The following RIOX2 variants were observed in gnomAD, a reference collection of about 807,000 sequenced individuals.
The protein encoded by RIOX2 is 60S ribosomal protein L27a histidine hydroxylase.
A neutral mutation model predicts 51.2 loss-of-function variants in RIOX2; 43 were observed. That is an observed-to-expected ratio of 0.84 (90% CI 0.66 to 1.08). RIOX2 has a LOEUF of 1.08. Among genes scored for constraint, RIOX2 ranks in the 50% least tolerant of loss-of-function variants. RIOX2 has a pLI of 0.00. For synonymous variants in RIOX2, 226 were observed against 218.5 expected (o/e 1.03, Z -0.30); for missense variants, 566 against 561.7 (o/e 1.01, Z -0.08).
rs1389251201 is a variant in RIOX2 at position 97,942,396 on chromosome 3, G to A, written c.*2788C>T. ...CAGAAGTGGAGACTGAATAAAAATG[G>A]AACTATCAGCTCTTATCTCAGTGAT... On this transcript the variant is annotated 3_prime_UTR_variant, in exon 10 of 10. Coordinates refer to ENST00000394198, the MANE Select transcript of RIOX2 (RefSeq NM_153182.4). 2 of 1,611,726 alleles carry A rather than the reference G, an allele frequency of 1.2e-6. No homozygotes were observed. The highest frequency in any genetic ancestry group is 1.1e-5 in the South Asian group (1 of 90,902).
intron 6 of RIOX2, 61 bp from the exon 7 acceptor site, chr3:97,950,076 C>A: frequency 6.3e-7 from 1 of 1,582,582 alleles, no homozygotes; most frequent in Non-Finnish European, 8.7e-7. Context: ...CCAGCTCAGT[C>A]TCCACAGTAG....
At chr3:97,963,857 C>A (rs553409117) in intron 2 of RIOX2, among the ~76,000 whole-genome samples, 22 of 152,296 alleles carry the variant, frequency 1.4e-4, no homozygotes, top group African/African-American at 5.1e-4. Context: ...TGGAGTCAAA[C>A]CACCTCGGTT....
chr3:97,961,206 A>C (rs553188209), intron 3 of RIOX2, among the ~76,000 whole-genome samples: 4 of 152,342 alleles, frequency 2.6e-5, no homozygotes, highest in Admixed American at 2.6e-4. Context: ...CAGCTACTGA[A>C]AAAGAACAAA....
rs2040342655 is a variant in RIOX2 at position 97,945,819 on chromosome 3, C to T, written c.1218G>A (p.Met406Ile). 6.2e-7 allele frequency: 1 copy of T among 1,610,576 alleles called. No homozygotes were observed. Among genetic ancestry groups the T allele is most frequent in the Non-Finnish European group, 8.5e-7 (1 of 1,177,346 alleles). ...SLKNSRETHM[M>I]GNEEETEFHG... ...AAACCTCTGTTTCCTCCTCATTTCCCATCATGTGTGTCTCTCTACTATTCT... is the reference window on the plus strand; with the variant it reads ...AAACCTCTGTTTCCTCCTCATTTCCTATCATGTGTGTCTCTCTACTATTCT... Residue 406 changes from methionine (M) to isoleucine (I), a missense_variant, in exon 9 of 10, where the codon ATG becomes ATA. Physicochemically the swap from Met to Ile is conservative, Grantham distance 10. Coordinates refer to ENST00000394198, the MANE Select transcript of RIOX2 (RefSeq NM_153182.4).
chr3:97,971,243 G>A (rs1706119220), intron 1 of RIOX2, among the ~76,000 whole-genome samples: 1 of 152,186 alleles, frequency 6.6e-6, no homozygotes, highest in South Asian at 2.1e-4. Context: ...GTAGTTCAGA[G>A]TTACCAGCAA....
rs1195772441 is a variant in RIOX2 at position 97,942,137 on chromosome 3, A to G, written c.*3047T>C. ...GTAAAGAAGACATTAAAAAAGGCTTACTGAAATTATACTATATAGTATTTT... is the reference window on the plus strand; with the variant it reads ...GTAAAGAAGACATTAAAAAAGGCTTGCTGAAATTATACTATATAGTATTTT... On this transcript the variant is annotated 3_prime_UTR_variant, in exon 10 of 10. Transcript: ENST00000394198. 1.7e-5 allele frequency: 9 copies of G among 534,538 alleles called. No homozygotes were observed. Among genetic ancestry groups the G allele is most frequent in the African/African-American group, 3.9e-5 (2 of 51,258 alleles). 33.1% of individuals were successfully genotyped at this position (534,538 alleles called of 1,614,324 possible).
intron 1 of RIOX2, among the ~76,000 whole-genome samples, chr3:97,971,001 T>C (rs551350910): frequency 6.6e-6 from 1 of 152,344 alleles, no homozygotes; most frequent in South Asian, 2.1e-4. Context: ...TTTTTCACAT[T>C]TTCATCTTTT....
At chr3:97,964,469 T>A (rs1461570533) in intron 2 of RIOX2, among the ~76,000 whole-genome samples, 2 of 151,098 alleles carry the variant, frequency 1.3e-5, no homozygotes, top group African/African-American at 4.9e-5. Flanking sequence ...GGCAGGTGGA[T>A]CACAAGATCA....
Position 97,967,231 on chromosome 3 carries a change from A to T in RIOX2, c.363T>A (p.Phe121Leu). The T allele has an allele frequency of 6.2e-7, 1 of 1,614,226 alleles. No homozygotes were observed. Among genetic ancestry groups the T allele is most frequent in the Admixed American group, 1.7e-5 (1 of 60,028 alleles). ...KVLNKDGKAH[F>L]LQLRKDFDQK... ...GATCAAAATCTTTTCTCAGCTGAAG[A>T]AAGTGTGCTTTGCCATCTTTATTTA... is the stretch of plus-strand genomic sequence containing the variant. Residue 121 changes from phenylalanine (F) to leucine (L), a missense_variant, in exon 2 of 10, where the codon TTT (phenylalanine) becomes TTA (leucine). Coordinates refer to ENST00000394198, the MANE Select transcript of RIOX2 (RefSeq NM_153182.4).
chr3:97,957,684 G>C (rs1028962167), intron 4 of RIOX2, among the ~76,000 whole-genome samples: 1 of 152,092 alleles, frequency 6.6e-6, no homozygotes, highest in Non-Finnish European at 1.5e-5. Context: ...CCACTATGAA[G>C]CCTGACCTTC....
chr3:97,965,998 AT>A (rs1458920349), intron 2 of RIOX2, among the ~76,000 whole-genome samples: 2 of 152,216 alleles, frequency 1.3e-5, no homozygotes. Flanking sequence ...CAAGGTTAGC[AT>A]TTCAGGGACA....
rs1559762716 is a variant in RIOX2 at position 97,961,702 on chromosome 3, GCTC to G, written c.436_438del (p.Glu146del). 23 of 1,588,258 alleles carry G rather than the reference GCTC, an allele frequency of 1.4e-5. No individual in the cohort carries two copies. Among genetic ancestry groups the G allele is most frequent in the Non-Finnish European group, 2.0e-5 (23 of 1,173,372 alleles). ...TCCAGCTTCTCCTGGATCCTCCAAA[GCTC>G]ATCCTTTACAAAAAAGGAAAAAAGA... On this transcript the variant is annotated inframe_deletion, in exon 3 of 10. Coordinates refer to ENST00000394198, the MANE Select transcript of RIOX2 (RefSeq NM_153182.4).
rs890433125 is a variant in RIOX2 at position 97,942,112 on chromosome 3, G to A, written c.*3072C>T. ...TCTGTACCATCTCCTACCCACAGCCGTAAAGAAGACATTAAAAAAGGCTTA... is the reference window on the plus strand; with the variant it reads ...TCTGTACCATCTCCTACCCACAGCCATAAAGAAGACATTAAAAAAGGCTTA... On this transcript the variant is annotated 3_prime_UTR_variant, in exon 10 of 10. Coordinates refer to ENST00000394198, the MANE Select transcript of RIOX2 (RefSeq NM_153182.4). The A allele has an allele frequency of 2.7e-5, 12 of 446,760 alleles. No individual in the cohort carries two copies. The Middle Eastern group carries it at 1.7e-3, about 64-fold the overall frequency. The allele number at this position is 446,760 out of a possible 1,614,324, so 27.7% of individuals were successfully genotyped here.
intron 4 of RIOX2, among the ~76,000 whole-genome samples, chr3:97,957,550 T>C (rs1327951807): frequency 1.3e-5 from 2 of 151,082 alleles, no homozygotes; most frequent in Non-Finnish European, 2.9e-5. Context: ...TGAACAATAC[T>C]GTACAACATG....
At chr3:97,971,458 G>C (rs1036255013) in intron 1 of RIOX2, 2 of 152,184 alleles carry the variant, frequency 1.3e-5, no homozygotes, top group Non-Finnish European at 2.9e-5. Flanking sequence ...TGCCCAGACT[G>C]ATCTAAAACA....
intron 2 of RIOX2, among the ~76,000 whole-genome samples, chr3:97,963,307 T>C (rs752768958): frequency 2.6e-5 from 4 of 152,152 alleles, no homozygotes; most frequent in Admixed American, 2.6e-4. Flanking sequence ...TCTCTTATTT[T>C]GTAGAGATGG....
chr3:97,942,358 T>C lies in RIOX2; in HGVS notation c.*2826A>G. On this transcript the variant is annotated 3_prime_UTR_variant, in exon 10 of 10. Coordinates refer to ENST00000394198, the MANE Select transcript of RIOX2 (RefSeq NM_153182.4). ...CTAAAGTAGCTCTATGGACTGAACA[T>C]GGGCAATTCAGGCAGAAGTGGAGAC... 3.7e-6 allele frequency: 6 copies of C among 1,611,978 alleles called. No homozygotes were observed. The highest frequency in any genetic ancestry group is 5.1e-6 in the Non-Finnish European group (6 of 1,178,628).
intron 4 of RIOX2, among the ~76,000 whole-genome samples, chr3:97,955,499 G>C (rs892563172): frequency 6.6e-6 from 1 of 151,820 alleles, no homozygotes; most frequent in Non-Finnish European, 1.5e-5. Flanking sequence ...TGGAGAAAGA[G>C]CTCAAGAAAT....
At chr3:97,952,376 A>G (rs1392979626) in intron 5 of RIOX2, 1 of 513,040 alleles carries the variant, frequency 1.9e-6, no homozygotes, top group African/African-American at 2.0e-5. Context: ...AAGAGAAGAA[A>G]TGAATAGGAC....
Sources: gnomAD v4.1 joint callset for allele counts (sites outside exome capture counted in the v4.1 genomes callset) on GRCh38, gnomAD v4.1.1 for gene constraint, MANE v1.5 for transcripts, NCBI Gene and HGNC (gene_info 2026-07-23, HGNC 2026-07-21) for gene names.